KDM4C: variants seen among roughly 807,000 people sequenced by gnomAD.
KDM4C encodes the protein lysine-specific demethylase 4C.
KDM4C carries 81 observed loss-of-function variants against 129.3 expected under a neutral mutation model. That is an observed-to-expected ratio of 0.63 (90% CI 0.52 to 0.75). The LOEUF (loss-of-function observed/expected upper bound fraction) is 0.75. Ranked by LOEUF, KDM4C falls within the 30% of genes least tolerant of loss-of-function variation. The probability of loss-of-function intolerance (pLI) is 0.00; values close to 1 mark genes in which losing one functional copy is unlikely to be tolerated. For synonymous variants in KDM4C, 573 were observed against 456.1 expected, an observed-to-expected ratio of 1.26 and a Z score of -3.26; for missense variants, 1,457 against 1,304.0, an observed-to-expected ratio of 1.12 and a Z score of -1.81.
chr9:6,799,693 A>G (rs1828558784), intron 2 of KDM4C, among the ~76,000 whole-genome samples: 1 of 149,128 alleles, frequency 6.7e-6, no homozygotes, highest in African/African-American at 2.5e-5. Context: ...TCTACACATA[A>G]TATTAATTTT....
Position 6,942,282 on chromosome 9 carries a change from AGTGTGTGT to A in KDM4C, c.922-38610_922-38603del, listed in dbSNP as rs58676459. 6.5e-3 allele frequency among the ~76,000 whole-genome samples: 927 copies of A among 142,672 alleles called. 9 individuals carry two copies. Among genetic ancestry groups the A allele is most frequent in the African/African-American group, 0.019 (737 of 38,478 alleles). 93.6% of individuals were successfully genotyped at this position (142,672 alleles called of 152,430 possible). A position where few individuals can be genotyped will look rare whatever the true frequency, so the allele number is the denominator to read the frequency against. On this transcript the variant is annotated intron_variant, in intron 8 of 21. Coordinates refer to ENST00000381309, the MANE Select transcript of KDM4C (RefSeq NM_015061.6). ...TTCTTTCTCATGTTCTAGCCCTCAA[AGTGTGTGT>A]GTGTGTGTGTGTGTGTGTGTGTGTG...
intron 8 of KDM4C, 146 bp downstream of exon 8, chr9:6,893,378 T>C: frequency 2.0e-6 from 1 of 508,686 alleles, no homozygotes; most frequent in Non-Finnish European, 3.3e-6. Context: ...TCAGGCTCGA[T>C]ACATTTATTT....
chr9:6,820,130 G>T (rs1176903195), intron 4 of KDM4C, among the ~76,000 whole-genome samples: 2 of 152,308 alleles, frequency 1.3e-5, no homozygotes, highest in Middle Eastern at 3.4e-3. Context: ...CATAGACTTT[G>T]TGGGGTGGAG....
chr9:6,799,140 A>G (rs112299187), intron 2 of KDM4C, among the ~76,000 whole-genome samples: 20,104 of 133,694 alleles, frequency 0.15, 1,678 homozygotes, highest in African/African-American at 0.26. Flanking sequence ...AGGCAGAGAC[A>G]CTCCTCACTT....
intron 19 of KDM4C, among the ~76,000 whole-genome samples, chr9:7,131,295 T>C (rs958151355): frequency 1.3e-5 from 2 of 152,204 alleles, no homozygotes; most frequent in Non-Finnish European, 2.9e-5. Flanking sequence ...TGCTGTAGCC[T>C]CTTCCCTCTC....
chr9:7,159,016 G>C (rs1225643706), intron 19 of KDM4C, among the ~76,000 whole-genome samples: 1 of 152,162 alleles, frequency 6.6e-6, no homozygotes, highest in Non-Finnish European at 1.5e-5. Context: ...TTATGAATCT[G>C]GGTGCTCCTG....
intron 1 of KDM4C, among the ~76,000 whole-genome samples, chr9:6,752,650 T>A (rs1051532119): frequency 2.2e-4 from 33 of 151,860 alleles, no homozygotes; most frequent in Non-Finnish European, 4.4e-4. Context: ...CCTCAGGAGA[T>A]CCGTCCACCT....
At chr9:7,032,721 C>T (rs1826982597) in intron 15 of KDM4C, among the ~76,000 whole-genome samples, 1 of 152,158 alleles carries the variant, frequency 6.6e-6, no homozygotes, top group Non-Finnish European at 1.5e-5. Context: ...CCATCTCATT[C>T]CCAGGCCTTG....
At chr9:6,985,686 T>A (rs1030563823) in intron 10 of KDM4C, among the ~76,000 whole-genome samples, 3 of 152,154 alleles carry the variant, frequency 2.0e-5, no homozygotes, top group African/African-American at 7.2e-5. Context: ...AGTCCCTTTT[T>A]TTAAAATTTT....
intron 4 of KDM4C, among the ~76,000 whole-genome samples, chr9:6,826,735 C>G (rs1243526064): frequency 6.6e-6 from 1 of 151,940 alleles, no homozygotes; most frequent in East Asian, 1.9e-4. Flanking sequence ...GGCATGGTGG[C>G]AGGGACCTGT....
chr9:6,816,398 A>G (rs950242635), intron 4 of KDM4C, among the ~76,000 whole-genome samples: 6 of 152,092 alleles, frequency 3.9e-5, no homozygotes, highest in African/African-American at 1.4e-4. Flanking sequence ...ATTACCTACT[A>G]TAGGCTCCCC....
chr9:6,889,252 G>GTGTGTGT (rs747649175), intron 7 of KDM4C, among the ~76,000 whole-genome samples: 974 of 75,038 alleles, frequency 0.013, 30 homozygotes, highest in East Asian at 0.1. Flanking sequence ...TGTGTGTGTG[G>GTGTGTGT]GAGGGTGGGG....
intron 1 of KDM4C, among the ~76,000 whole-genome samples, chr9:6,781,879 A>G (rs1824420587): frequency 1.3e-5 from 2 of 150,060 alleles, no homozygotes; most frequent in African/African-American, 4.9e-5. Flanking sequence ...GCTGGAGTGC[A>G]GTGGCATTAT....
chr9:7,147,774 C>T, intron 19 of KDM4C, among the ~76,000 whole-genome samples: 1 of 152,166 alleles, frequency 6.6e-6, no homozygotes, highest in Non-Finnish European at 1.5e-5. Context: ...AGCTGTGCAA[C>T]CAGGCAAGGG....
At chr9:6,992,980 C>A (rs1385538180) in intron 12 of KDM4C, among the ~76,000 whole-genome samples, 6 of 152,174 alleles carry the variant, frequency 3.9e-5, no homozygotes, top group African/African-American at 1.4e-4. Flanking sequence ...GAGAGATGAG[C>A]CACTTGTACG....
chr9:7,085,253 C>T (rs1424755143), intron 17 of KDM4C, among the ~76,000 whole-genome samples: 1 of 152,194 alleles, frequency 6.6e-6, no homozygotes, highest in East Asian at 1.9e-4. Context: ...TGTTGTGTGG[C>T]AGTGAGTAAA....
intron 4 of KDM4C, chr9:6,835,320 C>T (rs1835684831): frequency 2.1e-6 from 2 of 942,790 alleles, no homozygotes; most frequent in Admixed American, 1.7e-5. Flanking sequence ...TGGACATCCA[C>T]AAAGACCTTT....
chr9:6,961,348 A>T (rs1463813390), intron 8 of KDM4C, among the ~76,000 whole-genome samples: 1 of 152,168 alleles, frequency 6.6e-6, no homozygotes, highest in East Asian at 1.9e-4. Flanking sequence ...GAACCATATT[A>T]CATCCAGATG....
intron 19 of KDM4C, among the ~76,000 whole-genome samples, chr9:7,143,484 G>C (rs1841952399): frequency 6.6e-6 from 1 of 152,208 alleles, no homozygotes; most frequent in African/African-American, 2.4e-5. Context: ...ATGTGATTCT[G>C]AACCGGGCAT....
Sources: allele counts gnomAD v4.1 joint callset (sites outside exome capture counted in the v4.1 genomes callset), GRCh38; gene constraint gnomAD v4.1.1; transcripts MANE v1.5; gene names NCBI Gene and HGNC (gene_info 2026-07-23, HGNC 2026-07-21).